The following RCSD1 variants were observed in gnomAD, a reference collection of about 807,000 sequenced individuals.
RCSD1 encodes the protein capZ-interacting protein.
Under a neutral mutation model 42.5 loss-of-function variants are expected in RCSD1, and 26 were observed. The ratio of observed to expected loss-of-function variants is 0.61; its 90% CI spans 0.45 to 0.85. The LOEUF is 0.85. Among genes scored for constraint, RCSD1 ranks in the 40% least tolerant of loss-of-function variants. RCSD1 has a pLI of 0.00. For synonymous variants in RCSD1, 220 were observed against 212.2 expected (o/e 1.04, Z -0.32); for missense variants, 571 against 528.3 (o/e 1.08, Z -0.79).
chr1:167,646,592 G>A (rs1421274166), intron 1 of RCSD1, among the ~76,000 whole-genome samples: 1 of 151,670 alleles, frequency 6.6e-6, no homozygotes, highest in Non-Finnish European at 1.5e-5. Context: ...ATATACATGT[G>A]CCATGGTGGT....
At chr1:167,690,213 TA>T in intron 4 of RCSD1, 93 bp downstream of exon 4, 1 of 1,157,680 alleles carries the variant, frequency 8.6e-7, no homozygotes, top group Non-Finnish European at 1.3e-6. Flanking sequence ...AGGGGTAGCC[TA>T]TGTGTCACCT....
At chr1:167,638,754 A>G (rs1476628926) in intron 1 of RCSD1, among the ~76,000 whole-genome samples, 2 of 152,232 alleles carry the variant, frequency 1.3e-5, no homozygotes, top group Admixed American at 6.5e-5. Context: ...CACCTAAAGC[A>G]AAACAGGAAG....
At chr1:167,683,607 G>A (rs150546957) in intron 1 of RCSD1, among the ~76,000 whole-genome samples, 3 of 152,124 alleles carry the variant, frequency 2.0e-5, no homozygotes, top group African/African-American at 7.2e-5. Flanking sequence ...CTTGAGGAAT[G>A]AGAAAATTGG....
At chr1:167,647,730 C>T (rs1020973160) in intron 1 of RCSD1, among the ~76,000 whole-genome samples, 2 of 152,084 alleles carry the variant, frequency 1.3e-5, no homozygotes, top group Non-Finnish European at 2.9e-5. Flanking sequence ...CAGAGTAAGA[C>T]CCTATATCAA....
intron 1 of RCSD1, among the ~76,000 whole-genome samples, chr1:167,647,960 TC>T (rs1658206998): frequency 1.3e-5 from 2 of 152,184 alleles, no homozygotes; most frequent in African/African-American, 4.8e-5. Context: ...CTCAATTATA[TC>T]CCTTTTATTA....
At chr1:167,686,579 T>TC (rs1659242241) in intron 3 of RCSD1, among the ~76,000 whole-genome samples, 1 of 152,180 alleles carries the variant, frequency 6.6e-6, no homozygotes, top group Non-Finnish European at 1.5e-5. Flanking sequence ...CTCAGAATAC[T>TC]CTCTCCCCAC....
chr1:167,692,298 C>G (rs976271183), intron 4 of RCSD1, among the ~76,000 whole-genome samples: 1 of 152,086 alleles, frequency 6.6e-6, no homozygotes, highest in Non-Finnish European at 1.5e-5. Context: ...TTAGGATAGC[C>G]CAAAATTCAC....
chr1:167,645,603 A>C (rs779640699), intron 1 of RCSD1, among the ~76,000 whole-genome samples: 1 of 152,108 alleles, frequency 6.6e-6, no homozygotes, highest in Non-Finnish European at 1.5e-5. Context: ...ACTAGGAAGA[A>C]TTTTTTTTAA....
chr1:167,637,854 G>A (rs1457723007), intron 1 of RCSD1, among the ~76,000 whole-genome samples: 2 of 152,084 alleles, frequency 1.3e-5, no homozygotes, highest in Non-Finnish European at 2.9e-5. Flanking sequence ...TGAAAAGTCA[G>A]CGTTTCTCCT....
At chr1:167,689,086 A>C (rs530868918) in intron 3 of RCSD1, among the ~76,000 whole-genome samples, 1 of 152,182 alleles carries the variant, frequency 6.6e-6, no homozygotes, top group African/African-American at 2.4e-5. Context: ...TAACACATGC[A>C]TCAGCCACGG....
At chr1:167,692,033 G>A (rs1409169561) in intron 4 of RCSD1, among the ~76,000 whole-genome samples, 1 of 152,170 alleles carries the variant, frequency 6.6e-6, no homozygotes, top group Non-Finnish European at 1.5e-5. Context: ...TCTGTACCCT[G>A]TAGTTTTGGA....
At chr1:167,646,858 G>A (rs962211682) in intron 1 of RCSD1, among the ~76,000 whole-genome samples, 3 of 152,172 alleles carry the variant, frequency 2.0e-5, no homozygotes, top group Non-Finnish European at 4.4e-5. Flanking sequence ...AGGCCACTGC[G>A]GTGGCTCATG....
intron 5 of RCSD1, among the ~76,000 whole-genome samples, chr1:167,695,832 T>C (rs1473084244): frequency 6.6e-6 from 1 of 152,128 alleles, no homozygotes; most frequent in Non-Finnish European, 1.5e-5. Flanking sequence ...ACTTATATAC[T>C]GATTTTTAAA....
At chr1:167,700,197 A>T (rs1659604589) in intron 6 of RCSD1, among the ~76,000 whole-genome samples, 1 of 152,230 alleles carries the variant, frequency 6.6e-6, no homozygotes, top group African/African-American at 2.4e-5. Flanking sequence ...CAGGTAGAAG[A>T]GGAACTGATG....
chr1:167,668,431 C>G (rs1658714234), intron 1 of RCSD1, among the ~76,000 whole-genome samples: 1 of 152,118 alleles, frequency 6.6e-6, no homozygotes, highest in Non-Finnish European at 1.5e-5. Flanking sequence ...ACCCTCCTTA[C>G]CCCTCAAACC....
At chr1:167,649,608 G>C (rs1457108403) in intron 1 of RCSD1, among the ~76,000 whole-genome samples, 1 of 152,204 alleles carries the variant, frequency 6.6e-6, no homozygotes, top group East Asian at 1.9e-4. Context: ...GAATGGATTG[G>C]AGAGAGCATG....
In RCSD1 at chr1:167,652,177, A is replaced by G. The variant is rs556550449; in HGVS notation, c.6+21748A>G. Among the ~76,000 whole-genome samples, 3 of 152,110 alleles carry G rather than the reference A, an allele frequency of 2.0e-5. No homozygotes were observed. The East Asian group carries it at 5.8e-4, about 29-fold the overall frequency. ...GCTGGGATTACAGGCATGCACCACC[A>G]TGCCCGGCTAATTTTTGTATTTTTA... On this transcript the variant is annotated intron_variant, in intron 1 of 6. Transcript: ENST00000367854.
At chr1:167,678,007 T>C (rs1018875668) in intron 1 of RCSD1, among the ~76,000 whole-genome samples, 2 of 152,126 alleles carry the variant, frequency 1.3e-5, no homozygotes, top group African/African-American at 4.8e-5. Flanking sequence ...CAGTCTGAGG[T>C]TTATTTTCCT....
At chr1:167,635,002 G>A (rs996951231) in intron 1 of RCSD1, among the ~76,000 whole-genome samples, 1 of 151,832 alleles carries the variant, frequency 6.6e-6, no homozygotes, top group Non-Finnish European at 1.5e-5. Context: ...TGTTTGTTTT[G>A]TGACCTACTT....
Sources: gnomAD v4.1 joint callset for allele counts (sites outside exome capture counted in the v4.1 genomes callset) on GRCh38, gnomAD v4.1.1 for gene constraint, MANE v1.5 for transcripts, NCBI Gene and HGNC (gene_info 2026-07-23, HGNC 2026-07-21) for gene names.